Variants in UBE2V2 observed in about 807,000 individuals in gnomAD.
UBE2V2 encodes the protein ubiquitin conjugating enzyme E2 V2.
In UBE2V2, 9 loss-of-function variants were observed where a neutral mutation model predicts 17.2. The observed-to-expected ratio is 0.52, with a 90% CI of 0.32 to 0.91. The LOEUF (loss-of-function observed/expected upper bound fraction) is 0.91, where lower values mean the gene tolerates loss of function less well. Among genes scored for constraint, UBE2V2 ranks in the 40% least tolerant of loss-of-function variants. The pLI is 0.04. For synonymous variants in UBE2V2, 61 were observed against 57.5 expected (o/e 1.06, Z -0.28); for missense variants, 133 against 182.6 (o/e 0.73, Z 1.56).
intron 1 of UBE2V2, among the ~76,000 whole-genome samples, chr8:48,008,846 C>T (rs1470647222): frequency 6.6e-6 from 1 of 151,968 alleles, no homozygotes; most frequent in Non-Finnish European, 1.5e-5. Flanking sequence ...GTCAGGCCAA[C>T]CGGCACCGAA....
At chr8:48,022,628 C>A (rs971756034) in intron 1 of UBE2V2, among the ~76,000 whole-genome samples, 1 of 152,120 alleles carries the variant, frequency 6.6e-6, no homozygotes, top group Non-Finnish European at 1.5e-5. Context: ...TGTTACTCAT[C>A]AGTATCCTTT....
At chr8:48,021,382 C>G (rs1232770299) in intron 1 of UBE2V2, among the ~76,000 whole-genome samples, 4 of 148,994 alleles carry the variant, frequency 2.7e-5, no homozygotes, top group African/African-American at 9.9e-5. Flanking sequence ...TCTTGGCTCA[C>G]TGTAAGCTCT....
intron 1 of UBE2V2, among the ~76,000 whole-genome samples, chr8:48,033,289 C>T (rs1235435898): frequency 2.6e-5 from 4 of 151,882 alleles, no homozygotes; most frequent in African/African-American, 4.8e-5. Context: ...CAGGTTCAAG[C>T]GATTCTCCTG....
intron 3 of UBE2V2, among the ~76,000 whole-genome samples, chr8:48,056,952 C>T (rs1366930474): frequency 6.6e-6 from 1 of 151,996 alleles, no homozygotes; most frequent in Non-Finnish European, 1.5e-5. Flanking sequence ...CTTGAACTCC[C>T]AGCCTCAAGT....
intron 1 of UBE2V2, among the ~76,000 whole-genome samples, chr8:48,041,125 A>C (rs896792899): frequency 1.3e-5 from 2 of 149,314 alleles, no homozygotes; most frequent in African/African-American, 4.9e-5. Flanking sequence ...CGGCCTCCCA[A>C]AGTGCTGGGA....
intron 3 of UBE2V2, among the ~76,000 whole-genome samples, chr8:48,052,486 C>T (rs1366518154): frequency 2.6e-5 from 4 of 152,162 alleles, no homozygotes; most frequent in African/African-American, 9.7e-5. Context: ...TCTCTACCTC[C>T]CTTCCCCCAA....
At chr8:48,052,200 T>C (rs1422227123) in intron 3 of UBE2V2, among the ~76,000 whole-genome samples, 1 of 152,214 alleles carries the variant, frequency 6.6e-6, no homozygotes, top group African/African-American at 2.4e-5. Flanking sequence ...ATAAAGCATA[T>C]GAGTACACAG....
the UBE2V2 span, among the ~76,000 whole-genome samples, chr8:47,998,185 T>C: frequency 1.3e-5 from 2 of 152,014 alleles, no homozygotes; most frequent in East Asian, 1.9e-4. Flanking sequence ...GGTATTACAG[T>C]AAAAGATAAG....
chr8:48,011,227 G>A lies in UBE2V2; in HGVS notation c.16+2757G>A, dbSNP rs932871488. Among the ~76,000 whole-genome samples, 27 of 152,140 alleles carry A rather than the reference G, an allele frequency of 1.8e-4. 1 individual carries two copies. The highest frequency in any genetic ancestry group is 6.0e-4 in the African/African-American group (25 of 41,422). On this transcript the variant is annotated intron_variant, in intron 1 of 3. Coordinates refer to ENST00000523111, the MANE Select transcript of UBE2V2 (RefSeq NM_003350.3). ...TTGTTGCTCAGGCTGGAGTGCAATG[G>A]TGCGATCTCGGCTGACTGCAGCCTC... is the stretch of plus-strand genomic sequence containing the variant.
intron 1 of UBE2V2, among the ~76,000 whole-genome samples, chr8:48,011,797 G>A (rs182987067): frequency 2.0e-4 from 30 of 152,252 alleles, no homozygotes; most frequent in Non-Finnish European, 2.4e-4. Flanking sequence ...GCGAACACAG[G>A]CACGCATTGC....
In UBE2V2 at chr8:48,043,170, G is replaced by C. The variant is rs1183156798; in HGVS notation, c.154G>C (p.Gly52Arg). The change falls in exon 2 of 4, where the codon GGG (glycine) becomes CGG (arginine). Residue 52 changes from glycine to arginine, a missense_variant. Coordinates refer to ENST00000523111, the MANE Select transcript of UBE2V2 (RefSeq NM_003350.3). ...TACAAGGTGGACAGGCATGATTATTGGGCCACCAAGGGTCAGTGTTATAAA... is the reference window on the plus strand; with the variant it reads ...TACAAGGTGGACAGGCATGATTATTCGGCCACCAAGGGTCAGTGTTATAAA... ...TLTRWTGMII[G>R]PPRTNYENRI... The C allele has an allele frequency of 6.6e-7, 1 of 1,517,284 alleles. No individual in the cohort carries two copies. The highest frequency in any genetic ancestry group is 2.3e-5 in the East Asian group (1 of 43,862). The allele number at this position is 1,517,284 out of a possible 1,614,324, so 94.0% of individuals were successfully genotyped here.
chr8:48,007,726 C>A (rs1160706215), upstream of UBE2V2, among the ~76,000 whole-genome samples: 1 of 123,936 alleles, frequency 8.1e-6, no homozygotes. Context: ...GTATTACTTT[C>A]CTTTTTCTTT....
chr8:48,000,921 A>AAGGACC, the UBE2V2 span, among the ~76,000 whole-genome samples: 1 of 151,842 alleles, frequency 6.6e-6, no homozygotes, highest in Non-Finnish European at 1.5e-5. Context: ...GAAGTAGCAG[A>AAGGACC]AGGACCAGGT....
At chr8:48,025,273 C>A (rs1447365723) in intron 1 of UBE2V2, among the ~76,000 whole-genome samples, 2 of 133,996 alleles carry the variant, frequency 1.5e-5, no homozygotes, top group East Asian at 4.5e-4. Context: ...CTTTTCTTTT[C>A]TTTTTTTTTT....
upstream of UBE2V2, chr8:48,008,339 C>T (rs923406388): frequency 5.9e-6 from 8 of 1,360,112 alleles, no homozygotes; most frequent in Non-Finnish European, 7.6e-6. Flanking sequence ...CTCGGGTCGC[C>T]CCGCGCCCGC....
At chr8:48,058,896 T>G (rs1460879447) in intron 3 of UBE2V2, among the ~76,000 whole-genome samples, 1 of 151,902 alleles carries the variant, frequency 6.6e-6, no homozygotes, top group Admixed American at 6.6e-5. Context: ...CTGGGATAGG[T>G]CCTACTTGTA....
At chr8:48,029,301 C>T (rs1200602443) in intron 1 of UBE2V2, among the ~76,000 whole-genome samples, 2 of 152,156 alleles carry the variant, frequency 1.3e-5, no homozygotes, top group Non-Finnish European at 2.9e-5. Context: ...TGCCCACCAG[C>T]CTGGGCAACA....
intron 1 of UBE2V2, among the ~76,000 whole-genome samples, chr8:48,013,839 C>G (rs184655373): frequency 6.6e-6 from 1 of 152,284 alleles, no homozygotes; most frequent in East Asian, 1.9e-4. Flanking sequence ...ACTAGTTTAG[C>G]AGTGTTCTGA....
intron 2 of UBE2V2, among the ~76,000 whole-genome samples, chr8:48,044,926 C>T (rs895393702): frequency 6.6e-6 from 1 of 152,156 alleles, no homozygotes; most frequent in Admixed American, 6.5e-5. Context: ...GTGGGCTGAC[C>T]CACAGCACAG....
Sources: gnomAD v4.1 joint callset for allele counts (sites outside exome capture counted in the v4.1 genomes callset) on GRCh38, gnomAD v4.1.1 for gene constraint, MANE v1.5 for transcripts, NCBI Gene and HGNC (gene_info 2026-07-23, HGNC 2026-07-21) for gene names.